AFAP1: variants seen among roughly 807,000 people sequenced by gnomAD.
The protein encoded by AFAP1 is actin filament-associated protein 1.
In AFAP1, 75 loss-of-function variants were observed where a neutral mutation model predicts 93.9. That is an observed-to-expected ratio of 0.80 (90% confidence interval 0.66 to 0.97). The LOEUF (loss-of-function observed/expected upper bound fraction) is 0.97, where lower values mean the gene tolerates loss of function less well. AFAP1 is among the 50% of genes least tolerant of loss of function. The pLI is 0.00. For synonymous variants in AFAP1, 517 were observed against 430.7 expected (o/e 1.20, Z -2.48); for missense variants, 1,201 against 1,050.8 (o/e 1.14, Z -1.98).
At chr4:7,802,704 C>T (rs1412372902) in intron 9 of AFAP1, among the ~76,000 whole-genome samples, 2 of 145,222 alleles carry the variant, frequency 1.4e-5, no homozygotes, top group African/African-American at 5.2e-5. Flanking sequence ...GGCTGGAGTG[C>T]AGTGGCGTGA....
intron 6 of AFAP1, among the ~76,000 whole-genome samples, 171 bp from the exon 7 acceptor site, chr4:7,819,342 G>A (rs1283659064): frequency 1.3e-5 from 2 of 152,168 alleles, no homozygotes; most frequent in Admixed American, 1.3e-4. Context: ...ACTCACCCAT[G>A]CATTCATTCA....
At chr4:7,897,473 G>C (rs1577343205) in intron 1 of AFAP1, among the ~76,000 whole-genome samples, 1 of 151,960 alleles carries the variant, frequency 6.6e-6, no homozygotes, top group Admixed American at 6.6e-5. Flanking sequence ...ATCTTCTTTG[G>C]AGTCTCTTGC....
chr4:7,794,288 C>T (rs1718179165), intron 10 of AFAP1, among the ~76,000 whole-genome samples: 1 of 152,144 alleles, frequency 6.6e-6, no homozygotes, highest in Non-Finnish European at 1.5e-5. Flanking sequence ...GGGTGAGCCC[C>T]CCTACATGGG....
rs1342966318 is a variant in AFAP1 at position 7,939,618 on chromosome 4, C to G, written c.-3+38G>C. On this transcript the variant is annotated intron_variant, in intron 1 of 17. Coordinates refer to ENST00000420658, the MANE Select transcript of AFAP1 (RefSeq NM_001134647.2). The surrounding 1 kb of genome is among the most constrained non-coding windows in gnomAD (Gnocchi z 5.6). Reference sequence around the variant, plus strand: ...CCACGCCCGGGGCAGAGACCCCCGCCGGGTCCGGAGACCCTGCCGCCAGTC... The same window carrying G: ...CCACGCCCGGGGCAGAGACCCCCGCGGGGTCCGGAGACCCTGCCGCCAGTC... 2.4e-6 allele frequency: 1 copy of G among 413,076 alleles called. No homozygotes were observed. Among genetic ancestry groups the G allele is most frequent in the African/African-American group, 2.2e-5 (1 of 45,618 alleles). 25.6% of individuals were successfully genotyped at this position (413,076 alleles called of 1,614,324 possible).
chr4:7,891,192 C>G (rs1041144195), intron 1 of AFAP1, among the ~76,000 whole-genome samples: 1 of 152,032 alleles, frequency 6.6e-6, no homozygotes, highest in Non-Finnish European at 1.5e-5. Flanking sequence ...CTATCTGACT[C>G]TGTTTTGGTG....
chr4:7,821,013 G>T (rs12645103), intron 6 of AFAP1, among the ~76,000 whole-genome samples: 27,388 of 152,114 alleles, frequency 0.18, 2,709 homozygotes, highest in Non-Finnish European at 0.23. Flanking sequence ...AGCAACTCAG[G>T]AGGCTGAGGC....
At chr4:7,794,001 T>C (rs1718148825) in intron 10 of AFAP1, among the ~76,000 whole-genome samples, 175 bp from the exon 11 acceptor site, 1 of 152,236 alleles carries the variant, frequency 6.6e-6, no homozygotes, top group Non-Finnish European at 1.5e-5. Flanking sequence ...GCAGCAGGCC[T>C]TAATTTAGGA....
rs1312124765 is a variant in AFAP1 at position 7,762,273 on chromosome 4, C to T, written c.*1492G>A. The stretch of plus-strand genomic sequence containing the variant: ...AACCCAAGGAGTCAGTCAGTGTTTT[C>T]CCGCCATCTCTTCCTCTGTGTGAAA... On this transcript the variant is annotated 3_prime_UTR_variant, in exon 18 of 18. Coordinates refer to ENST00000420658, the MANE Select transcript of AFAP1 (RefSeq NM_001134647.2). The T allele has an allele frequency of 6.6e-6, 1 of 152,238 alleles. No individual in the cohort carries two copies. Among genetic ancestry groups the T allele is most frequent in the African/African-American group, 2.4e-5 (1 of 41,448 alleles). The allele number at this position is 152,238 out of a possible 1,614,324, so 9.4% of individuals were successfully genotyped here.
intron 6 of AFAP1, among the ~76,000 whole-genome samples, chr4:7,824,424 T>TAC (rs10660353): frequency 0.22 from 33,526 of 150,330 alleles, 4,027 homozygotes; most frequent in East Asian, 0.53. Context: ...AGCATTTGTG[T>TAC]ACACACACAC....
intron 12 of AFAP1, among the ~76,000 whole-genome samples, chr4:7,783,146 CT>C (rs914394443): frequency 2.2e-4 from 33 of 147,742 alleles, no homozygotes; most frequent in African/African-American, 4.2e-4. Flanking sequence ...TAAATATGAA[CT>C]TTTTTTTTTT....
intron 8 of AFAP1, among the ~76,000 whole-genome samples, chr4:7,811,533 C>T (rs1459258562): frequency 6.6e-6 from 1 of 152,138 alleles, no homozygotes; most frequent in Non-Finnish European, 1.5e-5. Context: ...GTGCCCCCAC[C>T]ACAGCCAAAC....
chr4:7,836,835 A>C (rs1470746157), intron 6 of AFAP1, among the ~76,000 whole-genome samples: 2 of 151,984 alleles, frequency 1.3e-5, no homozygotes, highest in Admixed American at 6.6e-5. Context: ...AAAAAAAAAA[A>C]CACAAACCAC....
chr4:7,841,824 G>C (rs1396180046), intron 5 of AFAP1, among the ~76,000 whole-genome samples: 3 of 150,094 alleles, frequency 2.0e-5, no homozygotes, highest in Non-Finnish European at 4.4e-5. Flanking sequence ...GGTTTTGAAG[G>C]GGGAAAGCTG....
chr4:7,915,496 A>T (rs1168541156), intron 1 of AFAP1, among the ~76,000 whole-genome samples: 1 of 151,924 alleles, frequency 6.6e-6, no homozygotes, highest in African/African-American at 2.4e-5. Flanking sequence ...AAAGAAGAAG[A>T]AGAAGGAAAA....
intron 6 of AFAP1, among the ~76,000 whole-genome samples, chr4:7,823,615 G>A (rs965397115): frequency 2.0e-5 from 3 of 152,126 alleles, no homozygotes; most frequent in Admixed American, 6.5e-5. Flanking sequence ...GCAGACAGAC[G>A]ACGCTGCCCA....
chr4:7,851,771 C>T (rs1714468754), intron 4 of AFAP1, among the ~76,000 whole-genome samples: 1 of 152,222 alleles, frequency 6.6e-6, no homozygotes, highest in Admixed American at 6.5e-5. Flanking sequence ...AACCTCCTTA[C>T]CCCATCCCCA....
intron 10 of AFAP1, among the ~76,000 whole-genome samples, chr4:7,798,140 T>TTGGCTGGCTCACGGCACTGCAACTCTAC (rs1560164905): frequency 8.3e-5 from 6 of 72,130 alleles, no homozygotes; most frequent in African/African-American, 3.3e-4. Context: ...TGCAACTCTA[T>TTGGCTGGCTCACGGCACTGCAACTCTAC]TGGCTGGCTC....
At chr4:7,928,154 C>A (rs964093053) in intron 1 of AFAP1, among the ~76,000 whole-genome samples, 2 of 152,130 alleles carry the variant, frequency 1.3e-5, no homozygotes, top group African/African-American at 4.8e-5. Context: ...TCAACCGGTG[C>A]CTTTGGCTAA....
At chr4:7,883,763 G>A (rs1469046594) in intron 1 of AFAP1, among the ~76,000 whole-genome samples, 6 of 152,184 alleles carry the variant, frequency 3.9e-5, no homozygotes, top group Middle Eastern at 3.4e-3. Context: ...CAAGAAATGC[G>A]CAAAACTTAC....
Sources: gnomAD v4.1 joint callset for allele counts (sites outside exome capture counted in the v4.1 genomes callset) on GRCh38, gnomAD v4.1.1 for gene constraint, Gnocchi (gnomAD v3.1) non-coding constraint, MANE v1.5 for transcripts, NCBI Gene and HGNC (gene_info 2026-07-23, HGNC 2026-07-21) for gene names.